CATSPERD: variants seen among roughly 807,000 people sequenced by gnomAD.
CATSPERD encodes the protein cation channel sperm-associated auxiliary subunit delta.
CATSPERD carries 86 observed loss-of-function variants against 98.1 expected under a neutral mutation model. The ratio of observed to expected loss-of-function variants is 0.88; its 90% CI spans 0.74 to 1.05. The LOEUF (loss-of-function observed/expected upper bound fraction) is 1.05, where lower values mean the gene tolerates loss of function less well. Ranked by LOEUF, CATSPERD falls within the 50% of genes least tolerant of loss-of-function variation. CATSPERD has a pLI of 0.00. For synonymous variants in CATSPERD, 394 were observed against 390.2 expected (o/e 1.01, Z -0.12); for missense variants, 995 against 1,005.7 (o/e 0.99, Z 0.14).
chr19:5,742,314 GT>G (rs386419729), intron 7 of CATSPERD, among the ~76,000 whole-genome samples: 1 of 140,162 alleles, frequency 7.1e-6, no homozygotes, highest in East Asian at 2.0e-4. Flanking sequence ...GAATGTGTGT[GT>G]GGGTGTGCGT....
At chr19:5,730,285 C>T (rs1452254521) in intron 4 of CATSPERD, among the ~76,000 whole-genome samples, 2 of 152,124 alleles carry the variant, frequency 1.3e-5, no homozygotes, top group African/African-American at 2.4e-5. Context: ...TGGCTCACAC[C>T]TGTAATCCCA....
chr19:5,749,352 C>A (rs1191813196), intron 11 of CATSPERD, among the ~76,000 whole-genome samples, 169 bp downstream of exon 11: 1 of 151,922 alleles, frequency 6.6e-6, no homozygotes, highest in Non-Finnish European at 1.5e-5. Flanking sequence ...ATTAGCCGAG[C>A]CTGGTGGTGG....
chr19:5,737,112 A>G, intron 5 of CATSPERD, 26 bp from the exon 6 acceptor site: 1 of 1,511,362 alleles, frequency 6.6e-7, no homozygotes, highest in Non-Finnish European at 9.2e-7. Context: ...ACTCATAAAC[A>G]TTTCAAAATT....
rs144055799 is a variant in CATSPERD, at chr19:5,731,460, T to A, written c.276+1516T>A. 6.6e-5 allele frequency among the ~76,000 whole-genome samples: 10 copies of A among 152,094 alleles called. No homozygotes were observed. In the East Asian group the frequency reaches 1.9e-3, roughly 29 times the overall value. ...TATGATTGTGCCACCGCACTCCAGC[T>A]TGAGTGGCAGCTTGAGACTATCTCA... On this transcript the variant is annotated intron_variant, in intron 4 of 21. Coordinates refer to ENST00000381624, the MANE Select transcript of CATSPERD (RefSeq NM_152784.4).
At chr19:5,730,344 A>T (rs372215037) in intron 4 of CATSPERD, among the ~76,000 whole-genome samples, 40 of 151,670 alleles carry the variant, frequency 2.6e-4, no homozygotes, top group African/African-American at 9.2e-4. Flanking sequence ...AGAGACTGAG[A>T]CCATCCTGGC....
chr19:5,754,000 T>G (rs954088420), intron 12 of CATSPERD, 132 bp from the exon 13 acceptor site: 1 of 679,542 alleles, frequency 1.5e-6, no homozygotes, highest in Non-Finnish European at 2.7e-6. Context: ...CAGAGTCTAG[T>G]GGGGAAGACA....
intron 2 of CATSPERD, among the ~76,000 whole-genome samples, chr19:5,725,177 G>C (rs1483522829): frequency 6.6e-6 from 1 of 152,002 alleles, no homozygotes; most frequent in African/African-American, 2.4e-5. Context: ...TTTGAGACAG[G>C]GTCTTGCACT....
chr19:5,740,281 C>T (rs1441041463), intron 7 of CATSPERD, among the ~76,000 whole-genome samples: 1 of 148,190 alleles, frequency 6.7e-6, no homozygotes, highest in South Asian at 2.1e-4. Flanking sequence ...AACAGTGTCT[C>T]AAAAAAATAA....
At chr19:5,742,156 ACG>A (rs2055989820) in intron 7 of CATSPERD, among the ~76,000 whole-genome samples, 1 of 98,954 alleles carries the variant, frequency 1.0e-5, no homozygotes, top group Non-Finnish European at 2.6e-5. Flanking sequence ...ACGTGTGTGA[ACG>A]TGTGTGTGCG....
Position 5,778,531 on chromosome 19 carries a change from G to T in CATSPERD, c.2252G>T (p.Arg751Leu). 1 of 1,613,952 alleles carries T rather than the reference G, an allele frequency of 6.2e-7. No homozygotes were observed. The highest frequency in any genetic ancestry group is 8.5e-7 in the Non-Finnish European group (1 of 1,180,028). Residue 751 changes from arginine to leucine, a missense_variant, in exon 22 of 22, where the codon CGC becomes CTC. By Grantham distance (102) the Arg-to-Leu change is moderately radical. Coordinates refer to ENST00000381624, the MANE Select transcript of CATSPERD (RefSeq NM_152784.4). Reference sequence around the variant, plus strand: ...ACCCCCAAGCTGCTACGCACAGCACGCGGCCGCAGGATCAAGAAGTGTGCG... The same window carrying T: ...ACCCCCAAGCTGCTACGCACAGCACTCGGCCGCAGGATCAAGAAGTGTGCG... Reference protein sequence around the residue: ...YKTPKLLRTARGRRIKKCATQ... With the variant: ...YKTPKLLRTALGRRIKKCATQ...
chr19:5,723,370 T>C (rs8109452), intron 1 of CATSPERD, among the ~76,000 whole-genome samples: 136,746 of 150,106 alleles, frequency 0.91, 62,386 homozygotes, highest in East Asian at 1. Context: ...CTGCAACCTC[T>C]GCCTCCAAGG....
At chr19:5,762,058 A>ATTTTTTTT (rs869295948) in intron 15 of CATSPERD, among the ~76,000 whole-genome samples, 11 of 10,436 alleles carry the variant, frequency 1.1e-3, no homozygotes, top group Non-Finnish European at 1.6e-3. Context: ...ATATATATAT[A>ATTTTTTTT]TTTTTTTTTT....
At chr19:5,758,721 C>T (rs1375904557) in intron 14 of CATSPERD, among the ~76,000 whole-genome samples, 3 of 150,340 alleles carry the variant, frequency 2.0e-5, no homozygotes, top group Admixed American at 1.3e-4. Context: ...CCAGCCTGGG[C>T]GACAGAGCGA....
At chr19:5,750,136 T>C (rs1249957666) in intron 11 of CATSPERD, among the ~76,000 whole-genome samples, 2 of 142,552 alleles carry the variant, frequency 1.4e-5, no homozygotes, top group Admixed American at 6.9e-5. Context: ...ATAATAAAAC[T>C]AACAAAAATT....
intron 5 of CATSPERD, among the ~76,000 whole-genome samples, chr19:5,734,278 A>G (rs2055797028): frequency 6.6e-6 from 1 of 152,112 alleles, no homozygotes; most frequent in Non-Finnish European, 1.5e-5. Flanking sequence ...TGCGGTAGGC[A>G]GATCATCTGA....
At chr19:5,776,864 C>T (rs368055981) in intron 21 of CATSPERD, among the ~76,000 whole-genome samples, 1 of 145,542 alleles carries the variant, frequency 6.9e-6, no homozygotes, top group Non-Finnish European at 1.5e-5. Flanking sequence ...GGTAACAGAG[C>T]GAGACTCCAT....
intron 16 of CATSPERD, among the ~76,000 whole-genome samples, chr19:5,763,871 G>T (rs2145834729): frequency 9.3e-5 from 1 of 10,698 alleles, no homozygotes; most frequent in Non-Finnish European, 3.1e-4. Flanking sequence ...TTTTTGACAT[G>T]GAGTCTTACT....
At position 5,766,164 on chromosome 19, in the gene CATSPERD, G is replaced by A; in HGVS notation, c.1559+9G>A. On this transcript the variant is annotated intron_variant, in intron 17 of 21. Transcript: ENST00000381624. ...AAGATCGTCATCCAGAAGTAAGTAT[G>A]TTGAGGCCGGGCACCATGGCTCATT... The A allele has an allele frequency of 1.9e-6, 3 of 1,611,662 alleles. No individual in the cohort carries two copies. The highest frequency in any genetic ancestry group is 1.3e-5 in the African/African-American group (1 of 74,894).
intron 15 of CATSPERD, among the ~76,000 whole-genome samples, chr19:5,762,220 T>C (rs1279942911): frequency 1.3e-4 from 19 of 150,302 alleles, no homozygotes; most frequent in Non-Finnish European, 1.8e-4. Context: ...CACGCCACCA[T>C]GCCTGGCTAA....
Sources: allele counts gnomAD v4.1 joint callset (sites outside exome capture counted in the v4.1 genomes callset), GRCh38; gene constraint gnomAD v4.1.1; transcripts MANE v1.5; gene names NCBI Gene and HGNC (gene_info 2026-07-23, HGNC 2026-07-21).